TBK1: variants seen among roughly 807,000 people sequenced by gnomAD.
The protein encoded by TBK1 is TANK binding kinase 1.
In TBK1, 37 loss-of-function variants were observed where a neutral mutation model predicts 99.9. The ratio of observed to expected loss-of-function variants is 0.37; its 90% CI spans 0.28 to 0.49. The LOEUF (loss-of-function observed/expected upper bound fraction) is 0.49. Among genes scored for constraint, TBK1 ranks in the 20% least tolerant of loss-of-function variants. The pLI is 0.98. For synonymous variants in TBK1, 258 were observed against 279.8 expected (o/e 0.92, Z 0.78); for missense variants, 644 against 872.5 (o/e 0.74, Z 3.30).
intron 7 of TBK1, among the ~76,000 whole-genome samples, chr12:64,480,515 G>A (rs2040759098): frequency 6.6e-6 from 1 of 152,098 alleles, no homozygotes; most frequent in Non-Finnish European, 1.5e-5. Context: ...ACAATGAAGA[G>A]ATTTAGTATT....
chr12:64,457,633 A>G (rs1022624897), intron 2 of TBK1, among the ~76,000 whole-genome samples: 1 of 152,216 alleles, frequency 6.6e-6, no homozygotes, highest in African/African-American at 2.4e-5. Flanking sequence ...GAAAGGAAGT[A>G]AAGTGGAAGC....
intron 13 of TBK1, among the ~76,000 whole-genome samples, chr12:64,492,800 G>A (rs1232865926): frequency 6.6e-6 from 1 of 150,734 alleles, no homozygotes; most frequent in African/African-American, 2.4e-5. Context: ...TCGGCTCACT[G>A]CTACCTCCAC....
chr12:64,484,399 T>A lies in TBK1; in HGVS notation c.1089T>A (p.Pro363=), dbSNP rs769351109. 5 of 1,614,122 alleles carry A rather than the reference T, an allele frequency of 3.1e-6. No individual in the cohort carries two copies. In the Admixed American group the frequency reaches 8.3e-5, roughly 27 times the overall value. The change falls in exon 9 of 21, where the codon CCT becomes CCA. Residue 363 remains proline, a synonymous_variant. Transcript: ENST00000331710. The stretch of plus-strand genomic sequence containing the variant: ...AAGGGCGACGCTTAGTCTTAGAACC[T>A]GGAAGGCTGGCACAACATTTCCCTA... ...IYEGRRLVLE[P]GRLAQHFPKT...
intron 16 of TBK1, 41 bp from the exon 17 acceptor site, chr12:64,496,908 A>G: frequency 7.5e-7 from 1 of 1,334,940 alleles, no homozygotes; most frequent in Non-Finnish European, 1.1e-6. Context: ...AAGTAGAAAC[A>G]GTGACATTGG....
chr12:64,478,130 A>G (rs1220923565), intron 6 of TBK1, among the ~76,000 whole-genome samples: 1 of 152,044 alleles, frequency 6.6e-6, no homozygotes, highest in East Asian at 1.9e-4. Context: ...AGACCTTTAT[A>G]TATTTGGCCC....
chr12:64,463,830 CA>C (rs113712223), intron 3 of TBK1, among the ~76,000 whole-genome samples: 5 of 151,582 alleles, frequency 3.3e-5, no homozygotes, highest in African/African-American at 9.7e-5. Flanking sequence ...CCAACTTCTT[CA>C]CCTAATAGGA....
intron 1 of TBK1, among the ~76,000 whole-genome samples, chr12:64,453,389 G>C (rs903227126): frequency 1.3e-5 from 2 of 152,268 alleles, no homozygotes; most frequent in Admixed American, 1.3e-4. Context: ...TTAGATAGTT[G>C]AGACGTTTGT....
At chr12:64,469,792 C>CA (rs2040643586) in intron 5 of TBK1, among the ~76,000 whole-genome samples, 1 of 149,016 alleles carries the variant, frequency 6.7e-6, no homozygotes, top group South Asian at 2.1e-4. Flanking sequence ...TCACCCAGTA[C>CA]TTTTTTTTTT....
At chr12:64,465,034 A>G (rs1421093647) in intron 4 of TBK1, among the ~76,000 whole-genome samples, 1 of 152,058 alleles carries the variant, frequency 6.6e-6, no homozygotes, top group Non-Finnish European at 1.5e-5. Flanking sequence ...GCTTGAGTCC[A>G]GGAGTTCAAG....
chr12:64,492,393 G>A (rs946067533), intron 13 of TBK1, among the ~76,000 whole-genome samples: 21 of 152,064 alleles, frequency 1.4e-4, no homozygotes, highest in Non-Finnish European at 2.6e-4. Context: ...TGCAGCCTCC[G>A]CCTCCTGGGT....
At chr12:64,465,535 C>G (rs920464907) in intron 4 of TBK1, among the ~76,000 whole-genome samples, 2 of 150,292 alleles carry the variant, frequency 1.3e-5, no homozygotes, top group Non-Finnish European at 3.0e-5. Context: ...CCCAAATGTC[C>G]ATCAACTGAT....
At chr12:64,490,639 GA>G (rs1277723764) in intron 13 of TBK1, among the ~76,000 whole-genome samples, 1 of 152,058 alleles carries the variant, frequency 6.6e-6, no homozygotes, top group Non-Finnish European at 1.5e-5. Flanking sequence ...AGCTTGTTTA[GA>G]AATAGATTTA....
intron 4 of TBK1, among the ~76,000 whole-genome samples, chr12:64,465,897 G>GA (rs1169474508): frequency 6.6e-6 from 1 of 152,078 alleles, no homozygotes; most frequent in Non-Finnish European, 1.5e-5. Flanking sequence ...ACTTTAAAAA[G>GA]ATGAATGTTA....
intron 1 of TBK1, among the ~76,000 whole-genome samples, chr12:64,454,093 T>C (rs2040458535): frequency 6.6e-6 from 1 of 152,220 alleles, no homozygotes; most frequent in Non-Finnish European, 1.5e-5. Context: ...ATTTTTCCTA[T>C]ATTTGTTATA....
At chr12:64,484,890 A>G (rs1010667173) in intron 9 of TBK1, among the ~76,000 whole-genome samples, 1 of 152,242 alleles carries the variant, frequency 6.6e-6, no homozygotes, top group African/African-American at 2.4e-5. Context: ...TAATTGTAAA[A>G]TTGAAAAAGC....
At chr12:64,458,148 C>T (rs1284110299) in intron 2 of TBK1, among the ~76,000 whole-genome samples, 2 of 151,748 alleles carry the variant, frequency 1.3e-5, no homozygotes, top group Non-Finnish European at 2.9e-5. Context: ...ATTGCCAAGG[C>T]CCAGTCTAGT....
intron 6 of TBK1, 47 bp downstream of exon 6, chr12:64,474,437 T>G (rs2040692650): frequency 6.4e-7 from 1 of 1,558,004 alleles, no homozygotes; most frequent in African/African-American, 1.4e-5. Context: ...TAAAAAATGA[T>G]TTCTGTCTTG....
At chr12:64,486,625 G>T (rs1246287785) in intron 11 of TBK1, among the ~76,000 whole-genome samples, 1 of 151,274 alleles carries the variant, frequency 6.6e-6, no homozygotes, top group East Asian at 1.9e-4. Flanking sequence ...AGTGATGGGG[G>T]GTCTAGTTAT....
At chr12:64,487,748 A>G (rs2040833359) in intron 11 of TBK1, among the ~76,000 whole-genome samples, 3 of 152,188 alleles carry the variant, frequency 2.0e-5, no homozygotes, top group Non-Finnish European at 1.5e-5. Context: ...TGTGAGCTGC[A>G]TATGGTCTCT....
Sources: gnomAD v4.1 joint callset for allele counts (sites outside exome capture counted in the v4.1 genomes callset) on GRCh38, gnomAD v4.1.1 for gene constraint, MANE v1.5 for transcripts, NCBI Gene and HGNC (gene_info 2026-07-23, HGNC 2026-07-21) for gene names.